The following CSNK1G3 variants were observed in gnomAD, a reference collection of about 807,000 sequenced individuals.
CSNK1G3 encodes the protein casein kinase I isoform gamma-3.
In CSNK1G3, 23 loss-of-function variants were observed where a neutral mutation model predicts 64.3. The ratio of observed to expected loss-of-function variants is 0.36; its 90% confidence interval spans 0.26 to 0.51. The LOEUF (loss-of-function observed/expected upper bound fraction) is 0.51, where lower values mean the gene tolerates loss of function less well. Ranked by LOEUF, CSNK1G3 falls within the 20% of genes least tolerant of loss-of-function variation. The pLI is 0.96. For synonymous variants in CSNK1G3, 158 were observed against 162.2 expected (o/e 0.97, Z 0.20); for missense variants, 357 against 510.5 (o/e 0.70, Z 2.90).
intron 2 of CSNK1G3, among the ~76,000 whole-genome samples, chr5:123,551,489 A>G (rs535390035): frequency 3.7e-4 from 57 of 152,226 alleles, no homozygotes; most frequent in African/African-American, 1.3e-3. Flanking sequence ...AGTTTATGAC[A>G]CCTATGTTAC....
intron 12 of CSNK1G3, among the ~76,000 whole-genome samples, chr5:123,605,938 T>G (rs960787121): frequency 1.3e-5 from 2 of 152,090 alleles, no homozygotes; most frequent in Non-Finnish European, 2.9e-5. Context: ...AATTTTAGAT[T>G]TAAATTATTT....
At chr5:123,518,784 T>C (rs1446682874) in intron 1 of CSNK1G3, among the ~76,000 whole-genome samples, 1 of 152,064 alleles carries the variant, frequency 6.6e-6, no homozygotes, top group Non-Finnish European at 1.5e-5. Context: ...TTAAAAAAAT[T>C]GTGGGAAGGA....
intron 4 of CSNK1G3, among the ~76,000 whole-genome samples, chr5:123,570,300 T>C (rs1295560138): frequency 2.6e-5 from 4 of 151,946 alleles, no homozygotes; most frequent in African/African-American, 7.2e-5. Flanking sequence ...ATTGGGAATA[T>C]AGATGGTGAT....
chr5:123,603,590 C>T (rs1794852148), intron 10 of CSNK1G3, among the ~76,000 whole-genome samples: 2 of 151,970 alleles, frequency 1.3e-5, no homozygotes, highest in South Asian at 2.1e-4. Flanking sequence ...AAATACTGTA[C>T]AAATAATTTA....
chr5:123,513,746 T>G (rs1379075404), intron 1 of CSNK1G3, among the ~76,000 whole-genome samples: 1 of 152,234 alleles, frequency 6.6e-6, no homozygotes, highest in Non-Finnish European at 1.5e-5. Context: ...GATGTTTCTT[T>G]GAAGAATATT....
At chr5:123,600,894 T>C (rs1794379068) in intron 10 of CSNK1G3, among the ~76,000 whole-genome samples, 1 of 149,892 alleles carries the variant, frequency 6.7e-6, no homozygotes, top group South Asian at 2.1e-4. Flanking sequence ...AAAACTGGAG[T>C]CTAGTTGCCT....
At chr5:123,561,552 C>T (rs1257111379) in intron 4 of CSNK1G3, among the ~76,000 whole-genome samples, 1 of 152,142 alleles carries the variant, frequency 6.6e-6, no homozygotes, top group Non-Finnish European at 1.5e-5. Context: ...GAACCAGGCT[C>T]CTAACCTTGG....
chr5:123,607,806 T>C (rs1795614177), intron 12 of CSNK1G3, among the ~76,000 whole-genome samples: 1 of 152,182 alleles, frequency 6.6e-6, no homozygotes, highest in African/African-American at 2.4e-5. Context: ...GTGGGTTAGG[T>C]AGGTTACAGA....
At chr5:123,536,837 A>G (rs997862934) in intron 1 of CSNK1G3, among the ~76,000 whole-genome samples, 2 of 152,134 alleles carry the variant, frequency 1.3e-5, no homozygotes, top group African/African-American at 4.8e-5. Flanking sequence ...AATAAAAAAT[A>G]TTCAGCATCA....
chr5:123,560,637 C>T (rs779220815), intron 4 of CSNK1G3, among the ~76,000 whole-genome samples: 4 of 152,122 alleles, frequency 2.6e-5, no homozygotes, highest in Non-Finnish European at 5.9e-5. Flanking sequence ...CGCTTGAGCC[C>T]AGGAGGTCAA....
rs893227732 is a variant in CSNK1G3, at chr5:123,540,674, C to T, written c.-247-4743C>T. Among the ~76,000 whole-genome samples the T allele has an allele frequency of 4.6e-5, 7 of 152,062 alleles. No homozygotes were observed. In the South Asian group the frequency reaches 1.2e-3, roughly 27 times the overall value. ...TTGAGACAGTGTCTTGCTCTGCTGCCCAGGCTGCAGTGCAGTGACATGATC... is the reference window on the plus strand; with the variant it reads ...TTGAGACAGTGTCTTGCTCTGCTGCTCAGGCTGCAGTGCAGTGACATGATC... On this transcript the variant is annotated intron_variant, in intron 1 of 12. Coordinates refer to ENST00000345990, the Ensembl canonical transcript of CSNK1G3.
chr5:123,537,659 G>A (rs913332156), intron 1 of CSNK1G3, among the ~76,000 whole-genome samples: 2 of 152,160 alleles, frequency 1.3e-5, no homozygotes, highest in South Asian at 2.1e-4. Flanking sequence ...TTTTTTATGT[G>A]TGTATGGGGG....
At chr5:123,583,855 TA>T (rs869224552) in intron 6 of CSNK1G3, among the ~76,000 whole-genome samples, 2 of 151,792 alleles carry the variant, frequency 1.3e-5, no homozygotes, top group East Asian at 1.9e-4. Flanking sequence ...ACCAGCTAAT[TA>T]AAAAAAATTT....
At position 123,567,454 on chromosome 5, in the gene CSNK1G3, A is replaced by T. The variant is rs547660737; in HGVS notation, c.290-5939A>T. The stretch of plus-strand genomic sequence containing the variant: ...TGTCTCTACTAAAAATACAATAAAA[A>T]GATTAGCTGGGCGTGGTGGCAGGTG... On this transcript the variant is annotated intron_variant, in intron 4 of 12. Transcript: ENST00000345990. Among the ~76,000 whole-genome samples, 20 of 152,188 alleles carry T rather than the reference A, an allele frequency of 1.3e-4. No homozygotes were observed. The South Asian group carries it at 3.3e-3, about 25-fold the overall frequency.
intron 2 of CSNK1G3, among the ~76,000 whole-genome samples, chr5:123,548,930 A>C (rs1207505937): frequency 1.3e-5 from 2 of 152,244 alleles, no homozygotes; most frequent in African/African-American, 2.4e-5. Context: ...TACGCTGTAC[A>C]ATATTGGTTG....
chr5:123,553,316 T>TA (rs1784041725), intron 3 of CSNK1G3, among the ~76,000 whole-genome samples, 169 bp downstream of exon 3: 2 of 152,214 alleles, frequency 1.3e-5, no homozygotes, highest in South Asian at 4.1e-4. Context: ...ATCCTGCTCT[T>TA]AAAGTATATG....
chr5:123,547,196 A>G (rs1227683951), intron 2 of CSNK1G3, among the ~76,000 whole-genome samples: 1 of 152,160 alleles, frequency 6.6e-6, no homozygotes, highest in Admixed American at 6.6e-5. Context: ...CAGATAAGTC[A>G]TTTAACCACT....
At chr5:123,570,835 A>C (rs977737185) in intron 4 of CSNK1G3, among the ~76,000 whole-genome samples, 3 of 152,078 alleles carry the variant, frequency 2.0e-5, no homozygotes, top group African/African-American at 7.2e-5. Context: ...TCAGTGGCAG[A>C]GAGGGGGAAA....
chr5:123,578,289 G>C (rs969973057), intron 6 of CSNK1G3, among the ~76,000 whole-genome samples: 11 of 151,930 alleles, frequency 7.2e-5, no homozygotes, highest in African/African-American at 2.4e-4. Flanking sequence ...AGTAATGAAT[G>C]AGAATTTTGT....
Sources: gnomAD v4.1 joint callset for allele counts (sites outside exome capture counted in the v4.1 genomes callset) on GRCh38, gnomAD v4.1.1 for gene constraint, MANE v1.5 for transcripts, NCBI Gene and HGNC (gene_info 2026-07-23, HGNC 2026-07-21) for gene names.